FAM177A1: variants seen among roughly 807,000 people sequenced by gnomAD.
The protein encoded by FAM177A1 is protein FAM177A1.
Under a neutral mutation model 26.1 loss-of-function variants are expected in FAM177A1, and 22 were observed. The ratio of observed to expected loss-of-function variants is 0.84; its 90% CI spans 0.60 to 1.20. FAM177A1 has a LOEUF of 1.20. Ranked by LOEUF, FAM177A1 falls within the 50% of genes most tolerant of loss-of-function variation. The pLI is 0.00. For missense variants in FAM177A1, 296 were observed against 291.1 expected (o/e 1.02, Z -0.12); for synonymous variants, 95 against 99.3 (o/e 0.96, Z 0.26).
At chr14:35,062,813 G>T (rs1296199445) in intron 2 of FAM177A1, among the ~76,000 whole-genome samples, 3 of 141,808 alleles carry the variant, frequency 2.1e-5, no homozygotes, top group African/African-American at 7.8e-5. Flanking sequence ...AAAAAGAAAA[G>T]AAAAATATAT....
intron 2 of FAM177A1, among the ~76,000 whole-genome samples, chr14:35,060,635 T>C (rs530833141): frequency 6.6e-6 from 1 of 152,206 alleles, no homozygotes; most frequent in Admixed American, 6.5e-5. Context: ...TAGTGACTGC[T>C]GTGTTCTTTT....
At chr14:35,066,442 G>C (rs1298381931) in intron 2 of FAM177A1, among the ~76,000 whole-genome samples, 2 of 142,896 alleles carry the variant, frequency 1.4e-5, no homozygotes, top group Admixed American at 1.5e-4. Flanking sequence ...GTGTCACTCT[G>C]TTGCCCAGGC....
intron 1 of FAM177A1, among the ~76,000 whole-genome samples, chr14:35,051,145 A>G (rs1396190546): frequency 6.6e-6 from 1 of 152,106 alleles, no homozygotes. Context: ...TTTGAGATGG[A>G]GTCTCGCTGT....
chr14:35,073,496 CTT>C (rs1240657477), intron 2 of FAM177A1, among the ~76,000 whole-genome samples: 1 of 152,202 alleles, frequency 6.6e-6, no homozygotes, highest in Non-Finnish European at 1.5e-5. Flanking sequence ...AAGTACAACA[CTT>C]TGACACCTTC....
chr14:35,046,602 G>A lies in FAM177A1; in HGVS notation c.139G>A (p.Ala47Thr). 6.4e-7 allele frequency: 1 copy of A among 1,551,666 alleles called. No homozygotes were observed. Among genetic ancestry groups the A allele is most frequent in the African/African-American group, 1.4e-5 (1 of 73,006 alleles). Residue 47 changes from alanine (A) to threonine (T), a missense_variant, in exon 1 of 5, where the codon GCG becomes ACG. Ala to Thr is a moderately conservative substitution (Grantham distance 58). Coordinates refer to ENST00000280987, the MANE Select transcript of FAM177A1 (RefSeq NM_173607.5). Reference sequence around the variant, plus strand: ...CGCAGCCTCGGGAGCTGCGGCCGCCGCGGCATTCGGGGAATCTGCAGGGCA... The same window carrying A: ...CGCAGCCTCGGGAGCTGCGGCCGCCACGGCATTCGGGGAATCTGCAGGGCA... ...AVAASGAAAA[A>T]AFGESAGQMS...
At position 35,082,966 on chromosome 14, in the gene FAM177A1, A is replaced by G. The variant is rs941148968; in HGVS notation, c.*1738A>G. The stretch of plus-strand genomic sequence containing the variant: ...TTTTATTCATGGGTGTAAACCCTTT[A>G]TAACTTAGTGCTTAAAATATTAATC... On this transcript the variant is annotated 3_prime_UTR_variant, in exon 5 of 5. Coordinates refer to ENST00000280987, the MANE Select transcript of FAM177A1 (RefSeq NM_173607.5). The G allele has an allele frequency of 2.0e-5, 3 of 152,230 alleles. No homozygotes were observed. Among genetic ancestry groups the G allele is most frequent in the Non-Finnish European group, 4.4e-5 (3 of 68,048 alleles). The allele number at this position is 152,230 out of a possible 1,614,324, so 9.4% of individuals were successfully genotyped here.
intron 1 of FAM177A1, among the ~76,000 whole-genome samples, chr14:35,047,600 T>G (rs1467786082): frequency 6.6e-6 from 1 of 152,116 alleles, no homozygotes; most frequent in Non-Finnish European, 1.5e-5. Context: ...AATACAAAAA[T>G]TAGCTGGGCG....
chr14:35,067,055 G>A (rs1428443767), intron 2 of FAM177A1, among the ~76,000 whole-genome samples: 1 of 152,102 alleles, frequency 6.6e-6, no homozygotes, highest in Non-Finnish European at 1.5e-5. Flanking sequence ...GCCTCCCGAA[G>A]TTCTGGGATT....
At chr14:35,068,703 A>G (rs2045274690) in intron 2 of FAM177A1, among the ~76,000 whole-genome samples, 1 of 152,184 alleles carries the variant, frequency 6.6e-6, no homozygotes, top group Non-Finnish European at 1.5e-5. Context: ...TGGGTTTGTG[A>G]TAGCCCATTT....
At position 35,046,439 on chromosome 14, in the gene FAM177A1, C is replaced by T; in HGVS notation, c.-25C>T. On this transcript the variant is annotated 5_prime_UTR_variant, in exon 1 of 5. Transcript: ENST00000280987. Reference sequence around the variant, plus strand: ...CCACTTCCCGACAGCCTGGCTCGGCCAGCGACTGGGCGGGGAGACCAAGGA... The same window carrying T: ...CCACTTCCCGACAGCCTGGCTCGGCTAGCGACTGGGCGGGGAGACCAAGGA... 3 of 1,524,924 alleles carry T rather than the reference C, an allele frequency of 2.0e-6. No individual in the cohort carries two copies. The highest frequency in any genetic ancestry group is 2.7e-6 in the Non-Finnish European group (3 of 1,131,448). The allele number at this position is 1,524,924 out of a possible 1,614,324, so 94.5% of individuals were successfully genotyped here.
At position 35,053,407 on chromosome 14, in the gene FAM177A1, G is replaced by A. The variant is rs776265240; in HGVS notation, c.295G>A (p.Val99Ile). ...AGAATATAGCACAGATGAAGACGAA[G>A]TTGATGGCCTGGAGAAGAAAGATGT... The part of the protein sequence containing the change: ...MEEYSTDEDE[V>I]DGLEKKDVLP... The change falls in exon 2 of 5, where the codon GTT becomes ATT. Residue 99 changes from valine to isoleucine, a missense_variant. Transcript: ENST00000280987. 6.2e-7 allele frequency: 1 copy of A among 1,614,110 alleles called. No individual in the cohort carries two copies. The highest frequency in any genetic ancestry group is 8.5e-7 in the Non-Finnish European group (1 of 1,180,010).
chr14:35,066,845 G>A (rs966123300), intron 2 of FAM177A1, among the ~76,000 whole-genome samples: 10 of 151,634 alleles, frequency 6.6e-5, no homozygotes, highest in Non-Finnish European at 1.0e-4. Context: ...CCAAGCTGGA[G>A]CGCAATGGCA....
chr14:35,080,906 A>C (rs2045470772), intron 4 of FAM177A1, 116 bp from the exon 5 acceptor site: 2 of 1,292,734 alleles, frequency 1.5e-6, no homozygotes, highest in Non-Finnish European at 2.0e-6. Context: ...TGATTTGAAC[A>C]TGACACTTTT....
chr14:35,062,885 T>G (rs1595046235), intron 2 of FAM177A1, among the ~76,000 whole-genome samples: 2 of 150,122 alleles, frequency 1.3e-5, no homozygotes, highest in African/African-American at 4.9e-5. Flanking sequence ...TTGCGGTTTT[T>G]TTTTTTTTTT....
Position 35,046,357 on chromosome 14 carries a change from C to G in FAM177A1, c.-107C>G, listed in dbSNP as rs1351027725. 9 of 1,296,986 alleles carry G rather than the reference C, an allele frequency of 6.9e-6. No individual in the cohort carries two copies. The South Asian group carries it at 1.5e-4, about 22-fold the overall frequency. The allele number at this position is 1,296,986 out of a possible 1,614,324, so 80.3% of individuals were successfully genotyped here. A position where few individuals can be genotyped will look rare whatever the true frequency, so the allele number is the denominator to read the frequency against. On this transcript the variant is annotated 5_prime_UTR_variant, in exon 1 of 5. Coordinates refer to ENST00000280987, the MANE Select transcript of FAM177A1 (RefSeq NM_173607.5). ...GGCCCCGCCCCTCAGGCCGGCGAGT[C>G]CCCTTCTCAGAGACTTGGCTAGGCG... is the stretch of plus-strand genomic sequence containing the variant.
At chr14:35,050,599 T>A (rs1288670399) in intron 1 of FAM177A1, among the ~76,000 whole-genome samples, 3 of 150,944 alleles carry the variant, frequency 2.0e-5, no homozygotes, top group African/African-American at 7.3e-5. Flanking sequence ...AATGAGAGAT[T>A]GCTAGAGGTA....
intron 2 of FAM177A1, among the ~76,000 whole-genome samples, chr14:35,057,954 G>A (rs1255388828): frequency 6.6e-6 from 1 of 152,098 alleles, no homozygotes; most frequent in Non-Finnish European, 1.5e-5. Flanking sequence ...ATATTCTGTT[G>A]TTGAAAGTGT....
At position 35,046,623 on chromosome 14, in the gene FAM177A1, G is replaced by C; in HGVS notation, c.160G>C (p.Gly54Arg). ...CGCCGCGGCATTCGGGGAATCTGCA[G>C]GGCAGGTAGGTGGGGCCGCCGAGGC... is the stretch of plus-strand genomic sequence containing the variant. ...AAAAAFGESA[G>R]QMSNERGFEN... Residue 54 changes from glycine (G) to arginine (R), a missense_variant, in exon 1 of 5, where the codon GGG becomes CGG. By Grantham distance (125) the Gly-to-Arg change is moderately radical (BLOSUM62 -2). Transcript: ENST00000280987. The C allele has an allele frequency of 6.5e-7, 1 of 1,538,264 alleles. No homozygotes were observed. The highest frequency in any genetic ancestry group is 8.8e-7 in the Non-Finnish European group (1 of 1,140,640).
intron 2 of FAM177A1, among the ~76,000 whole-genome samples, chr14:35,069,070 T>G (rs574307022): frequency 3.3e-4 from 50 of 152,324 alleles, no homozygotes; most frequent in African/African-American, 1.2e-3. Context: ...AGCAGGGATA[T>G]TAATGGTTTT....
Sources: gnomAD v4.1 joint callset for allele counts (sites outside exome capture counted in the v4.1 genomes callset) on GRCh38, gnomAD v4.1.1 for gene constraint, MANE v1.5 for transcripts, NCBI Gene and HGNC (gene_info 2026-07-23, HGNC 2026-07-21) for gene names.